NKAIN2: variants seen among roughly 807,000 people sequenced by gnomAD.
The protein encoded by NKAIN2 is sodium/potassium-transporting ATPase subunit beta-1-interacting protein 2.
Under a neutral mutation model 32.6 loss-of-function variants are expected in NKAIN2, and 14 were observed. The observed-to-expected ratio is 0.43, with a 90% CI of 0.28 to 0.67. The LOEUF is 0.67. Among genes scored for constraint, NKAIN2 ranks in the 30% least tolerant of loss-of-function variants. The probability of loss-of-function intolerance (pLI) is 0.17; values close to 1 mark genes in which losing one functional copy is unlikely to be tolerated. For synonymous variants in NKAIN2, 80 were observed against 87.2 expected, an observed-to-expected ratio of 0.92 and a Z score of 0.46; for missense variants, 198 against 258.3, an observed-to-expected ratio of 0.77 and a Z score of 1.60.
intron 1 of NKAIN2, among the ~76,000 whole-genome samples, chr6:124,187,466 A>T (rs1413715964): frequency 6.6e-6 from 1 of 152,130 alleles, no homozygotes; most frequent in Admixed American, 6.5e-5. Flanking sequence ...CCAATTGGGT[A>T]GACAGGGCAG....
chr6:123,935,612 T>C (rs906987694), intron 1 of NKAIN2, among the ~76,000 whole-genome samples: 2 of 152,086 alleles, frequency 1.3e-5, no homozygotes, highest in Admixed American at 6.6e-5. Context: ...AAAAGATTTC[T>C]TTAAAAAGAT....
chr6:124,626,032 T>C (rs920033294), intron 3 of NKAIN2, among the ~76,000 whole-genome samples: 2 of 151,676 alleles, frequency 1.3e-5, no homozygotes, highest in African/African-American at 4.8e-5. Context: ...CATGTTGGTG[T>C]GCTGCACCCA....
chr6:124,355,239 A>G lies in NKAIN2; in HGVS notation c.193-28A>G, dbSNP rs773102915. The stretch of plus-strand genomic sequence containing the variant: ...ACTCAACTGATTCCAAATTAATTAT[A>G]CGTTATTTCTCTCTTGCTTCTCTAC... On this transcript the variant is annotated intron_variant, in intron 2 of 6. Coordinates refer to ENST00000368417, the MANE Select transcript of NKAIN2 (RefSeq NM_001040214.3). 1.8e-5 allele frequency: 26 copies of G among 1,426,616 alleles called. No individual in the cohort carries two copies. In the South Asian group the frequency reaches 3.0e-4, roughly 16 times the overall value. The allele number at this position is 1,426,616 out of a possible 1,614,324, so 88.4% of individuals were successfully genotyped here.
At chr6:124,745,876 T>C (rs1471588323) in intron 4 of NKAIN2, among the ~76,000 whole-genome samples, 6 of 151,900 alleles carry the variant, frequency 3.9e-5, no homozygotes, top group Admixed American at 3.9e-4. Flanking sequence ...TCATTAATCT[T>C]GAGACCTCCT....
chr6:124,340,921 G>A (rs1366005527), intron 2 of NKAIN2, among the ~76,000 whole-genome samples: 2 of 152,174 alleles, frequency 1.3e-5, no homozygotes, highest in Non-Finnish European at 2.9e-5. Flanking sequence ...TGCTGAATGA[G>A]TATTATTTTT....
At chr6:124,822,845 T>A (rs1781448525) in intron 6 of NKAIN2, among the ~76,000 whole-genome samples, 1 of 152,136 alleles carries the variant, frequency 6.6e-6, no homozygotes, top group African/African-American at 2.4e-5. Flanking sequence ...CTGCTTTGAC[T>A]ACCAGAGACC....
At chr6:124,301,265 G>T (rs1796281435) in intron 2 of NKAIN2, among the ~76,000 whole-genome samples, 1 of 152,198 alleles carries the variant, frequency 6.6e-6, no homozygotes, top group African/African-American at 2.4e-5. Context: ...GCCTACGGGT[G>T]CACAGAAGTA....
chr6:124,678,718 C>A (rs1773475202), intron 4 of NKAIN2, among the ~76,000 whole-genome samples: 1 of 152,016 alleles, frequency 6.6e-6, no homozygotes, highest in South Asian at 2.1e-4. Context: ...TGGAAATTTT[C>A]TTTTGCTCTT....
intron 1 of NKAIN2, among the ~76,000 whole-genome samples, chr6:123,847,686 T>C (rs972412831): frequency 7.2e-5 from 11 of 152,198 alleles, no homozygotes; most frequent in Admixed American, 2.6e-4. Flanking sequence ...CAGCTCTATC[T>C]TTGTTTTTAA....
At chr6:124,157,013 G>T in intron 1 of NKAIN2, among the ~76,000 whole-genome samples, 1 of 136,430 alleles carries the variant, frequency 7.3e-6, no homozygotes, top group African/African-American at 2.7e-5. Flanking sequence ...TAAGCCAGGA[G>T]AATTGCTTGA....
intron 1 of NKAIN2, among the ~76,000 whole-genome samples, chr6:124,104,018 G>A (rs1405032972): frequency 1.3e-5 from 2 of 152,096 alleles, no homozygotes; most frequent in Non-Finnish European, 2.9e-5. Flanking sequence ...CCTGGGAGGT[G>A]GAGCTTGCAG....
At chr6:124,220,558 A>G (rs1791762394) in intron 1 of NKAIN2, among the ~76,000 whole-genome samples, 1 of 139,626 alleles carries the variant, frequency 7.2e-6, no homozygotes. Flanking sequence ...TATATTGCAT[A>G]TCTTTGTGTA....
At chr6:124,086,161 C>A (rs951632276) in intron 1 of NKAIN2, among the ~76,000 whole-genome samples, 1 of 151,976 alleles carries the variant, frequency 6.6e-6, no homozygotes, top group East Asian at 1.9e-4. Flanking sequence ...GGTATCTTCA[C>A]ATCTGCTCCA....
At chr6:124,154,552 T>A (rs553976727) in intron 1 of NKAIN2, among the ~76,000 whole-genome samples, 1 of 152,012 alleles carries the variant, frequency 6.6e-6, no homozygotes, top group Non-Finnish European at 1.5e-5. Flanking sequence ...TTTGTGACTC[T>A]TTTTTATGTA....
intron 1 of NKAIN2, among the ~76,000 whole-genome samples, chr6:123,933,280 T>C (rs1459680328): frequency 6.6e-6 from 1 of 152,238 alleles, no homozygotes; most frequent in African/African-American, 2.4e-5. Context: ...AAATTTTAAA[T>C]TGTTAACATA....
At chr6:124,248,496 A>G (rs1296358488) in intron 1 of NKAIN2, among the ~76,000 whole-genome samples, 2 of 152,014 alleles carry the variant, frequency 1.3e-5, no homozygotes, top group South Asian at 2.1e-4. Flanking sequence ...TTAACTAATT[A>G]CTTATTAATT....
At chr6:124,562,677 G>C (rs1780740163) in intron 3 of NKAIN2, among the ~76,000 whole-genome samples, 1 of 152,000 alleles carries the variant, frequency 6.6e-6, no homozygotes, top group Admixed American at 6.6e-5. Context: ...ATATTTTCAT[G>C]AAAAATAACT....
chr6:124,715,841 G>C (rs1449189623), intron 4 of NKAIN2, among the ~76,000 whole-genome samples: 1 of 152,136 alleles, frequency 6.6e-6, no homozygotes, highest in African/African-American at 2.4e-5. Context: ...TGGCTAAAGC[G>C]AATGCTCTAG....
At chr6:123,990,337 G>T (rs1473615757) in intron 1 of NKAIN2, among the ~76,000 whole-genome samples, 2 of 152,138 alleles carry the variant, frequency 1.3e-5, no homozygotes, top group East Asian at 1.9e-4. Context: ...AAAGAATTAT[G>T]TACCAGTTTT....
Sources: gnomAD v4.1 joint callset for allele counts (sites outside exome capture counted in the v4.1 genomes callset) on GRCh38, gnomAD v4.1.1 for gene constraint, MANE v1.5 for transcripts, NCBI Gene and HGNC (gene_info 2026-07-23, HGNC 2026-07-21) for gene names.